Variants in CTNND2 observed in about 807,000 individuals in gnomAD.
The protein encoded by CTNND2 is catenin delta 2.
A neutral mutation model predicts 144.4 loss-of-function variants in CTNND2; 22 were observed. The observed-to-expected ratio is 0.15, with a 90% CI of 0.11 to 0.22. The LOEUF (loss-of-function observed/expected upper bound fraction) is 0.22. CTNND2 is among the 10% of genes least tolerant of loss of function. The pLI is 1.00. For synonymous variants in CTNND2, 751 were observed against 695.6 expected (o/e 1.08, Z -1.25); for missense variants, 1,353 against 1,618.8 (o/e 0.84, Z 2.82).
At chr5:11,471,478 T>C (rs1767228295) in intron 3 of CTNND2, among the ~76,000 whole-genome samples, 1 of 152,176 alleles carries the variant, frequency 6.6e-6, no homozygotes, top group Non-Finnish European at 1.5e-5. Flanking sequence ...TTTCCTACTT[T>C]TAAAAAAATC....
At chr5:11,419,584 A>G (rs1179869384) in intron 3 of CTNND2, among the ~76,000 whole-genome samples, 1 of 152,220 alleles carries the variant, frequency 6.6e-6, no homozygotes, top group Admixed American at 6.5e-5. Context: ...TAAGCAACCA[A>G]TAATCTTCAA....
chr5:11,667,447 A>G (rs935517721), intron 2 of CTNND2, among the ~76,000 whole-genome samples: 10 of 152,194 alleles, frequency 6.6e-5, no homozygotes, highest in African/African-American at 2.4e-4. Context: ...TGACTTTTTA[A>G]TGATAACCAT....
rs5865953 is a variant in CTNND2, at chr5:11,515,111, C to CAAAA, written c.287+49829_287+49832dup. Among the ~76,000 whole-genome samples the CAAAA allele has an allele frequency of 1.5e-3, 207 of 135,524 alleles. 3 individuals carry two copies. The highest frequency in any genetic ancestry group is 5.2e-3 in the African/African-American group (190 of 36,734). 88.9% of individuals were successfully genotyped at this position (135,524 alleles called of 152,430 possible). ...AAACATGCATCCCATTAATGCACAC[C>CAAAA]AAAAAAAAAAAAAAACGCATTTCCT... On this transcript the variant is annotated intron_variant, in intron 3 of 21. Transcript: ENST00000304623.
Position 11,722,209 on chromosome 5 carries a change from C to T in CTNND2, c.174+9927G>A, listed in dbSNP as rs80284105. ...CACAGAGTTTTCTCCTAAGAAGATG[C>T]TGAAAAGTAAACCCTCACATGAGCC... On this transcript the variant is annotated intron_variant, in intron 2 of 21. Transcript: ENST00000304623. 4.6e-5 allele frequency among the ~76,000 whole-genome samples: 7 copies of T among 152,288 alleles called. No homozygotes were observed. In the East Asian group the frequency reaches 1.2e-3, roughly 25 times the overall value.
chr5:11,226,613 C>T (rs1740388238), intron 10 of CTNND2, among the ~76,000 whole-genome samples: 3 of 152,188 alleles, frequency 2.0e-5, no homozygotes, highest in Admixed American at 6.5e-5. Context: ...GGAAACTCCC[C>T]TTTATAAAAC....
intron 9 of CTNND2, among the ~76,000 whole-genome samples, chr5:11,330,076 G>C (rs531652707): frequency 6.6e-6 from 1 of 152,230 alleles, no homozygotes; most frequent in South Asian, 2.1e-4. Context: ...CACATCACAT[G>C]TGGATGTACA....
intron 7 of CTNND2, among the ~76,000 whole-genome samples, chr5:11,369,438 T>C (rs1184785409): frequency 2.0e-5 from 3 of 152,240 alleles, no homozygotes; most frequent in African/African-American, 7.2e-5. Context: ...TTCCACACCA[T>C]GTTTTCCTTG....
intron 9 of CTNND2, among the ~76,000 whole-genome samples, chr5:11,260,390 A>G (rs1021456026): frequency 2.6e-5 from 4 of 152,214 alleles, no homozygotes; most frequent in East Asian, 3.8e-4. Context: ...ACACACTAAG[A>G]AAAAAGGCTT....
chr5:11,431,784 G>A (rs1763309624), intron 3 of CTNND2, among the ~76,000 whole-genome samples: 1 of 152,032 alleles, frequency 6.6e-6, no homozygotes, highest in Admixed American at 6.5e-5. Flanking sequence ...TGCCCTGCTT[G>A]CATTCTAGAC....
At chr5:11,160,676 C>T (rs1034038449) in intron 11 of CTNND2, among the ~76,000 whole-genome samples, 8 of 152,156 alleles carry the variant, frequency 5.3e-5, no homozygotes, top group South Asian at 2.1e-4. Context: ...AACCTAAACA[C>T]GTACCATCAC....
chr5:11,639,060 A>C (rs1781858213), intron 2 of CTNND2, among the ~76,000 whole-genome samples: 1 of 152,164 alleles, frequency 6.6e-6, no homozygotes. Context: ...GGTAGTCTCC[A>C]AAAGGGGGTG....
chr5:11,014,938 G>T (rs1369560592), intron 18 of CTNND2, among the ~76,000 whole-genome samples: 1 of 152,052 alleles, frequency 6.6e-6, no homozygotes, highest in Non-Finnish European at 1.5e-5. Flanking sequence ...TGGTCTATAA[G>T]TTTCTTTCCC....
At chr5:11,701,739 G>C (rs1462552276) in intron 2 of CTNND2, among the ~76,000 whole-genome samples, 1 of 152,046 alleles carries the variant, frequency 6.6e-6, no homozygotes, top group African/African-American at 2.4e-5. Flanking sequence ...CAGCATTTCT[G>C]TTACAAGTCT....
chr5:11,195,243 T>A (rs1192173617), intron 11 of CTNND2, among the ~76,000 whole-genome samples: 1 of 152,120 alleles, frequency 6.6e-6, no homozygotes, highest in Non-Finnish European at 1.5e-5. Context: ...TTATAGAAAA[T>A]ATTCCTGAGA....
chr5:11,773,908 C>A (rs949517128), intron 1 of CTNND2, among the ~76,000 whole-genome samples: 5 of 150,974 alleles, frequency 3.3e-5, no homozygotes, highest in Admixed American at 6.6e-5. Flanking sequence ...TCATTAAATT[C>A]TTTTTTACTA....
intron 3 of CTNND2, among the ~76,000 whole-genome samples, chr5:11,559,779 C>A (rs1776538759): frequency 6.6e-6 from 1 of 152,190 alleles, no homozygotes; most frequent in Admixed American, 6.5e-5. Context: ...TGTCCTTGGG[C>A]TACAGTCCAC....
chr5:10,975,237 G>C (rs1333207636), intron 21 of CTNND2, among the ~76,000 whole-genome samples: 2 of 152,158 alleles, frequency 1.3e-5, no homozygotes, highest in African/African-American at 4.8e-5. Context: ...ACACAGGGCT[G>C]TTTTCCAAGT....
At position 10,981,846 on chromosome 5, in the gene CTNND2, G is replaced by C; in HGVS notation, c.3344C>G (p.Ala1115Gly). The change falls in exon 21 of 22, where the codon GCT (alanine) becomes GGT (glycine). Residue 1115 changes from alanine (A) to glycine (G), a missense_variant and splice_region_variant. Coordinates refer to ENST00000304623, the MANE Select transcript of CTNND2 (RefSeq NM_001332.4). The stretch of plus-strand genomic sequence containing the variant: ...CAAAGTTGAAATTCCAGTGTTTTGA[G>C]CTAAAAGCAAAAGGAAAACAAAAGT... Reference protein sequence around the residue: ...EHTSRKDAMTAQNTGISTLYR... With the variant: ...EHTSRKDAMTGQNTGISTLYR... 6.2e-7 allele frequency: 1 copy of C among 1,612,842 alleles called. No individual in the cohort carries two copies.
chr5:11,715,136 A>C (rs1173822086), intron 2 of CTNND2, among the ~76,000 whole-genome samples: 1 of 152,150 alleles, frequency 6.6e-6, no homozygotes, highest in Non-Finnish European at 1.5e-5. Flanking sequence ...TGGGGAAAAT[A>C]AATGCCCCAA....
Sources: allele counts gnomAD v4.1 joint callset (sites outside exome capture counted in the v4.1 genomes callset), GRCh38; gene constraint gnomAD v4.1.1; transcripts MANE v1.5; gene names NCBI Gene and HGNC (gene_info 2026-07-23, HGNC 2026-07-21).